BTBD7: variants seen among roughly 807,000 people sequenced by gnomAD.
BTBD7 encodes BTB domain containing 7, also known as BTB/POZ domain-containing protein 7.
A neutral mutation model predicts 99.9 loss-of-function variants in BTBD7; 38 were observed. That is an observed-to-expected ratio of 0.38 (90% confidence interval 0.29 to 0.50). The LOEUF is 0.50. Among genes scored for constraint, BTBD7 ranks in the 20% least tolerant of loss-of-function variants. The probability of loss-of-function intolerance (pLI) is 0.93; values close to 1 mark genes in which losing one functional copy is unlikely to be tolerated. For missense variants in BTBD7, 1,170 were observed against 1,394.6 expected, an observed-to-expected ratio of 0.84 and a Z score of 2.57; for synonymous variants, 520 against 511.4, an observed-to-expected ratio of 1.02 and a Z score of -0.23.
Position 93,293,865 on chromosome 14 carries a change from A to T in BTBD7, c.1155T>A (p.Leu385=). 3.1e-6 allele frequency: 5 copies of T among 1,605,346 alleles called. No homozygotes were observed. The South Asian group carries it at 5.6e-5, about 18-fold the overall frequency. Residue 385 remains leucine (L), a synonymous_variant, in exon 3 of 11, where the codon CTT becomes CTA. Transcript: ENST00000334746. ...HIALFLEFNM[L]AQGCEDIIAE... is the part of the protein sequence containing the mutation. ...AAAACCAGAACTTCATACCTTGTGC[A>T]AGCATGTTAAATTCCAAGAACAGTG...
rs565943949 is a variant in BTBD7 at position 93,242,593 on chromosome 14, G to T, written c.3079C>A (p.Leu1027Met). The change falls in exon 11 of 11, where the codon CTG becomes ATG. Residue 1027 changes from leucine to methionine, a missense_variant. Leu to Met is a conservative substitution (Grantham distance 15). Around this residue, in one of 4 missense-constraint regions of BTBD7, gnomAD observed 495 missense variants for 525.9 expected, o/e 0.94. Coordinates refer to ENST00000334746, the MANE Select transcript of BTBD7 (RefSeq NM_001002860.4). ...TGGGGAGGTTGCTCAACGACATCCAGGTGTATCGGCTCATTCTTTTGTCTG... is the reference window on the plus strand; with the variant it reads ...TGGGGAGGTTGCTCAACGACATCCATGTGTATCGGCTCATTCTTTTGTCTG... ...LHRQKNEPIH[L>M]DVVEQPPQRS... 1 of 1,614,238 alleles carries T rather than the reference G, an allele frequency of 6.2e-7. No homozygotes were observed.
Position 93,242,294 on chromosome 14 carries a change from G to C in BTBD7, c.3378C>G (p.Leu1126=), listed in dbSNP as rs759379749. 1 of 1,613,660 alleles carries C rather than the reference G, an allele frequency of 6.2e-7. No homozygotes were observed. Among genetic ancestry groups the C allele is most frequent in the Non-Finnish European group, 8.5e-7 (1 of 1,179,654 alleles). Residue 1126 remains leucine, a synonymous_variant, in exon 11 of 11, where the codon CTC becomes CTG. Transcript: ENST00000334746. ...GCTCTCAGAGGGCAGACTTTTTGTA[G>C]AGGAAGTCCGGCTTGCTTGGTGACC... The part of the protein sequence containing the change: ...GRRSPSKPDF[L]YKKSAL
At chr14:93,274,661 T>C (rs997532370) in intron 3 of BTBD7, among the ~76,000 whole-genome samples, 1 of 152,208 alleles carries the variant, frequency 6.6e-6, no homozygotes, top group Non-Finnish European at 1.5e-5. Context: ...TCCATTTCAC[T>C]CATCAGTTAC....
intron 3 of BTBD7, among the ~76,000 whole-genome samples, chr14:93,287,264 T>C (rs2052790462): frequency 1.3e-5 from 2 of 150,964 alleles, no homozygotes; most frequent in Admixed American, 6.6e-5. Flanking sequence ...ATCAAAGTAG[T>C]ATATGCTCAT....
intron 1 of BTBD7, among the ~76,000 whole-genome samples, chr14:93,332,042 G>A (rs1188376336): frequency 6.6e-6 from 1 of 152,196 alleles, no homozygotes; most frequent in Non-Finnish European, 1.5e-5. Context: ...CTTATTATCT[G>A]TGCTGGTATG....
chr14:93,309,288 T>C (rs932809025), intron 1 of BTBD7, among the ~76,000 whole-genome samples: 1 of 151,606 alleles, frequency 6.6e-6, no homozygotes, highest in Non-Finnish European at 1.5e-5. Flanking sequence ...AAGTGACTTA[T>C]CCAAAGTCAA....
chr14:93,268,575 G>A (rs1036781459), intron 3 of BTBD7, among the ~76,000 whole-genome samples: 1 of 151,750 alleles, frequency 6.6e-6, no homozygotes, highest in Non-Finnish European at 1.5e-5. Flanking sequence ...CTCAAAGAAG[G>A]GTGTATTATT....
At chr14:93,250,333 A>T (rs950686458) in intron 8 of BTBD7, among the ~76,000 whole-genome samples, 3 of 152,240 alleles carry the variant, frequency 2.0e-5, no homozygotes, top group Non-Finnish European at 4.4e-5. Flanking sequence ...GAACTGCATT[A>T]ACTCAAGCCT....
At chr14:93,280,227 G>C (rs2052702955) in intron 3 of BTBD7, among the ~76,000 whole-genome samples, 1 of 152,178 alleles carries the variant, frequency 6.6e-6, no homozygotes, top group Non-Finnish European at 1.5e-5. Flanking sequence ...CTCATAATTA[G>C]ATACAAGCTC....
Position 93,294,321 on chromosome 14 carries a change from A to C in BTBD7, c.699T>G (p.Leu233=), listed in dbSNP as rs753650298. The change falls in exon 3 of 11, where the codon CTT becomes CTG. Residue 233 remains leucine, a synonymous_variant. Transcript: ENST00000334746. The part of the protein sequence containing the change: ...LSEEFGTPNS[L]DVDMRGLFDY... ...CAAAGAGTCCACGCATATCTACATC[A>C]AGGGAATTTGGTGTTCCAAATTCTT... The C allele has an allele frequency of 1.2e-6, 2 of 1,614,206 alleles. No homozygotes were observed. The highest frequency in any genetic ancestry group is 1.1e-5 in the South Asian group (1 of 91,082).
At chr14:93,321,000 T>C (rs1174075045) in intron 1 of BTBD7, among the ~76,000 whole-genome samples, 1 of 152,198 alleles carries the variant, frequency 6.6e-6, no homozygotes, top group East Asian at 1.9e-4. Flanking sequence ...GTTTTTACAG[T>C]TGCAAAGTGA....
At chr14:93,326,310 T>C (rs1166500196) in intron 1 of BTBD7, among the ~76,000 whole-genome samples, 1 of 151,824 alleles carries the variant, frequency 6.6e-6, no homozygotes, top group Non-Finnish European at 1.5e-5. Flanking sequence ...CCAGAAAAAG[T>C]ACAAAAGTTA....
chr14:93,317,139 A>G (rs12894992), intron 1 of BTBD7, among the ~76,000 whole-genome samples: 58,610 of 151,864 alleles, frequency 0.39, 12,525 homozygotes, highest in African/African-American at 0.58. Flanking sequence ...CCGAGCGGCT[A>G]AGATTACAGC....
intron 9 of BTBD7, among the ~76,000 whole-genome samples, chr14:93,247,950 C>A (rs1442028955): frequency 1.3e-5 from 2 of 152,030 alleles, no homozygotes; most frequent in African/African-American, 4.8e-5. Context: ...AAAACAGAAA[C>A]GAAAGTGGGC....
chr14:93,264,127 T>C, intron 3 of BTBD7, 134 bp from the exon 4 acceptor site: 1 of 763,298 alleles, frequency 1.3e-6, no homozygotes, highest in Non-Finnish European at 2.1e-6. Flanking sequence ...CTCATGAAAA[T>C]CACCAAGACT....
chr14:93,248,898 C>T (rs1290155793), intron 8 of BTBD7, among the ~76,000 whole-genome samples: 1 of 152,166 alleles, frequency 6.6e-6, no homozygotes, highest in Non-Finnish European at 1.5e-5. Flanking sequence ...ATTTAGTTTA[C>T]AGTTCAAATA....
chr14:93,283,658 T>G (rs2052746006), intron 3 of BTBD7, among the ~76,000 whole-genome samples: 3 of 152,128 alleles, frequency 2.0e-5, no homozygotes, highest in African/African-American at 7.2e-5. Context: ...TTCAAGCAAT[T>G]TTCATGCCTC....
rs1222137381 is a variant in BTBD7, at chr14:93,237,593, T to A, written c.*4680A>T. ...TTTGAAATGCCAACTATATGTAGGA[T>A]AAAGTCAGTGTTACATGCTTATCAG... On this transcript the variant is annotated 3_prime_UTR_variant, in exon 11 of 11. Transcript: ENST00000334746. The A allele has an allele frequency of 6.6e-6, 1 of 152,654 alleles. No homozygotes were observed. The allele number at this position is 152,654 out of a possible 1,614,324, so 9.5% of individuals were successfully genotyped here.
intron 3 of BTBD7, among the ~76,000 whole-genome samples, chr14:93,276,129 T>C (rs955150383): frequency 1.6e-4 from 24 of 152,158 alleles, no homozygotes; most frequent in Non-Finnish European, 2.2e-4. Flanking sequence ...GGTGGGAGAA[T>C]TGATTGAGCT....
Sources: gnomAD v4.1 joint callset for allele counts (sites outside exome capture counted in the v4.1 genomes callset) on GRCh38, gnomAD v4.1.1 for gene constraint, gnomAD v4.1.1 regional missense constraint, MANE v1.5 for transcripts, NCBI Gene and HGNC (gene_info 2026-07-23, HGNC 2026-07-21) for gene names.